The following GLIS1 variants were observed in gnomAD, a reference collection of about 807,000 sequenced individuals.
The protein encoded by GLIS1 is GLIS family zinc finger 1, also known as zinc finger protein GLIS1.
In GLIS1, 24 loss-of-function variants were observed where a neutral mutation model predicts 63.8. That is an observed-to-expected ratio of 0.38 (90% CI 0.27 to 0.53). The LOEUF (loss-of-function observed/expected upper bound fraction) is 0.53. Among genes scored for constraint, GLIS1 ranks in the 20% least tolerant of loss-of-function variants. The pLI, the probability that GLIS1 is intolerant of heterozygous loss-of-function variation, is 0.85. For synonymous variants in GLIS1, 450 were observed against 482.5 expected (o/e 0.93, Z 0.88); for missense variants, 1,036 against 1,074.1 (o/e 0.96, Z 0.50).
chr1:53,573,352 G>A (rs560051829), intron 4 of GLIS1, among the ~76,000 whole-genome samples: 1 of 151,986 alleles, frequency 6.6e-6, no homozygotes, highest in Non-Finnish European at 1.5e-5. Flanking sequence ...GGACAGTGGC[G>A]GTGGGGGGAG....
chr1:53,516,807 A>C (rs534136632), intron 7 of GLIS1, among the ~76,000 whole-genome samples: 9 of 151,930 alleles, frequency 5.9e-5, no homozygotes, highest in East Asian at 3.9e-4. Flanking sequence ...CATCTCAAAA[A>C]AAAAAACAAA....
intron 2 of GLIS1, among the ~76,000 whole-genome samples, chr1:53,727,242 A>G (rs569146735): frequency 2.6e-5 from 4 of 152,298 alleles, no homozygotes; most frequent in Non-Finnish European, 5.9e-5. Context: ...GAATAATATG[A>G]TTTCTGGAAA....
At chr1:53,696,830 G>A (rs1022328964) in intron 2 of GLIS1, among the ~76,000 whole-genome samples, 1 of 152,168 alleles carries the variant, frequency 6.6e-6, no homozygotes, top group African/African-American at 2.4e-5. Context: ...GCTGGAACAG[G>A]TCATCATCCA....
At chr1:53,675,364 C>T (rs1298358912) in intron 2 of GLIS1, among the ~76,000 whole-genome samples, 1 of 152,118 alleles carries the variant, frequency 6.6e-6, no homozygotes, top group African/African-American at 2.4e-5. Context: ...GGCCTGAGGT[C>T]ACACAGCTCA....
intron 2 of GLIS1, among the ~76,000 whole-genome samples, chr1:53,711,750 T>C (rs1454718785): frequency 6.6e-6 from 1 of 152,246 alleles, no homozygotes; most frequent in African/African-American, 2.4e-5. Context: ...GTAGCAGTCA[T>C]TGTTATCAGT....
At chr1:53,699,625 G>A (rs1486076142) in intron 2 of GLIS1, among the ~76,000 whole-genome samples, 1 of 152,148 alleles carries the variant, frequency 6.6e-6, no homozygotes, top group Non-Finnish European at 1.5e-5. Flanking sequence ...TCAGATTAGG[G>A]ATACTCAACC....
At chr1:53,653,930 C>T (rs1415768088) in intron 2 of GLIS1, among the ~76,000 whole-genome samples, 1 of 152,344 alleles carries the variant, frequency 6.6e-6, no homozygotes, top group Middle Eastern at 3.4e-3. Flanking sequence ...GGACCAGACC[C>T]TAAGGAACAG....
chr1:53,718,307 C>T (rs1381596258), intron 2 of GLIS1, among the ~76,000 whole-genome samples: 1 of 152,064 alleles, frequency 6.6e-6, no homozygotes, highest in East Asian at 1.9e-4. Context: ...TGAATGCACC[C>T]CTCTAAACCA....
In GLIS1 at chr1:53,646,532, G is replaced by A. The variant is rs1459488271; in HGVS notation, c.260-46254C>T. 2.6e-5 allele frequency among the ~76,000 whole-genome samples: 4 copies of A among 152,162 alleles called. No individual in the cohort carries two copies. The highest frequency in any genetic ancestry group is 4.4e-5 in the Non-Finnish European group (3 of 68,032). On this transcript the variant is annotated intron_variant, in intron 2 of 10. Transcript: ENST00000628545. The surrounding 1 kb of genome is among the most constrained non-coding windows in gnomAD (Gnocchi z 4.2). The stretch of plus-strand genomic sequence containing the variant: ...AACAAAGAAAATTGCTAGACAGGCT[G>A]GACATGGTGGCTCACACCTGTAATT...
In GLIS1 at chr1:53,733,106, A is replaced by G. The variant is rs1646879380; in HGVS notation, c.259+4700T>C. Among the ~76,000 whole-genome samples, 4 of 152,356 alleles carry G rather than the reference A, an allele frequency of 2.6e-5. No individual in the cohort carries two copies. In the Middle Eastern group the frequency reaches 0.01, roughly 389 times the overall value. ...ACTCCACAAAGTAAAACCGAAGAAA[A>G]TGATGATAATTATGCAACATTCAGA... On this transcript the variant is annotated intron_variant, in intron 2 of 10. Coordinates refer to ENST00000628545, the MANE Select transcript of GLIS1 (RefSeq NM_001367484.1).
At chr1:53,556,303 G>GTT (rs1644825179) in intron 4 of GLIS1, among the ~76,000 whole-genome samples, 1 of 145,308 alleles carries the variant, frequency 6.9e-6, no homozygotes, top group Non-Finnish European at 1.5e-5. Context: ...GTAGGTATGT[G>GTT]TGTGTGTGCA....
chr1:53,686,144 G>T (rs956660156), intron 2 of GLIS1, among the ~76,000 whole-genome samples: 13 of 152,276 alleles, frequency 8.5e-5, no homozygotes, highest in Admixed American at 2.6e-4. Context: ...CCTTTAGGAG[G>T]TTCTCTCTCA....
chr1:53,716,999 T>C (rs141566094), intron 2 of GLIS1, among the ~76,000 whole-genome samples: 1 of 151,484 alleles, frequency 6.6e-6, no homozygotes, highest in African/African-American at 2.4e-5. Context: ...TGGGGTAGAG[T>C]GGGGGAAATG....
chr1:53,614,039 A>T (rs1645453027), intron 2 of GLIS1, among the ~76,000 whole-genome samples: 1 of 152,258 alleles, frequency 6.6e-6, no homozygotes, highest in Admixed American at 6.5e-5. Context: ...AAGAGTAAAA[A>T]GAATGGCAAA....
intron 4 of GLIS1, among the ~76,000 whole-genome samples, chr1:53,555,493 A>G (rs525626): frequency 0.56 from 85,295 of 151,634 alleles, 26,606 homozygotes; most frequent in African/African-American, 0.83. Flanking sequence ...TCGCGCCACT[A>G]CACTCCAGCC....
At chr1:53,600,372 G>T in intron 2 of GLIS1, 94 bp from the exon 3 acceptor site, 2 of 714,186 alleles carry the variant, frequency 2.8e-6, no homozygotes, top group South Asian at 7.4e-5. Context: ...GTACAGCAAG[G>T]GACAGGGCAC....
At position 53,594,966 on chromosome 1, in the gene GLIS1, A is replaced by G. The variant is rs1645240358; in HGVS notation, c.462T>C (p.Tyr154=). 1 of 1,448,932 alleles carries G rather than the reference A, an allele frequency of 6.9e-7. No homozygotes were observed. Among genetic ancestry groups the G allele is most frequent in the East Asian group, 2.5e-5 (1 of 40,154 alleles). 89.8% of individuals were successfully genotyped at this position (1,448,932 alleles called of 1,614,324 possible). A position where few individuals can be genotyped will look rare whatever the true frequency, so the allele number is the denominator to read the frequency against. ...GTGTGGTTGGGAGGCTGCCGTTCAC[A>G]TACGTGGCCTGGGGTCTAGGTGACC... is the stretch of plus-strand genomic sequence containing the variant. ...PDRSPRPQAT[Y]VNGSLPTTQH... The change falls in exon 4 of 11, where the codon TAT becomes TAC. Residue 154 remains tyrosine (Y), a synonymous_variant. Transcript: ENST00000628545.
chr1:53,633,183 GTGAC>G (rs1042700960), intron 2 of GLIS1, among the ~76,000 whole-genome samples: 29 of 149,430 alleles, frequency 1.9e-4, no homozygotes, highest in African/African-American at 6.7e-4. Context: ...GCATGTGAAT[GTGAC>G]TGTGAGGTGT....
rs76888009 is a variant in GLIS1, at chr1:53,533,074, C to A, written c.1321-3122G>T. On this transcript the variant is annotated intron_variant, in intron 4 of 10. Coordinates refer to ENST00000628545, the MANE Select transcript of GLIS1 (RefSeq NM_001367484.1). Reference sequence around the variant, plus strand: ...CTGAATTCTGTTAGGAATTTCCATGCCCTCAGGCCTTTACTTCAGTTGTTC... The same window carrying A: ...CTGAATTCTGTTAGGAATTTCCATGACCTCAGGCCTTTACTTCAGTTGTTC... Among the ~76,000 whole-genome samples, 123 of 152,368 alleles carry A rather than the reference C, an allele frequency of 8.1e-4. 1 individual carries two copies. Among genetic ancestry groups the A allele is most frequent in the African/African-American group, 2.8e-3 (118 of 41,590 alleles).
Sources: gnomAD v4.1 joint callset for allele counts (sites outside exome capture counted in the v4.1 genomes callset) on GRCh38, gnomAD v4.1.1 for gene constraint, Gnocchi (gnomAD v3.1) non-coding constraint, MANE v1.5 for transcripts, NCBI Gene and HGNC (gene_info 2026-07-23, HGNC 2026-07-21) for gene names.